The following PTPRS variants were observed in gnomAD, a reference collection of about 807,000 sequenced individuals.
PTPRS encodes protein tyrosine phosphatase receptor type S.
PTPRS carries 63 observed loss-of-function variants against 215.3 expected under a neutral mutation model. The observed-to-expected ratio is 0.29, with a 90% CI of 0.24 to 0.36. The LOEUF (loss-of-function observed/expected upper bound fraction) is 0.36, where lower values mean the gene tolerates loss of function less well. Among genes scored for constraint, PTPRS ranks in the 10% least tolerant of loss-of-function variants. The pLI, the probability that PTPRS is intolerant of heterozygous loss-of-function variation, is 1.00. For missense variants in PTPRS, 2,258 were observed against 2,825.8 expected (o/e 0.80, Z 4.56); for synonymous variants, 1,404 against 1,191.4 (o/e 1.18, Z -3.68).
chr19:5,313,125 C>T (rs1261838464), intron 1 of PTPRS, among the ~76,000 whole-genome samples: 2 of 152,194 alleles, frequency 1.3e-5, no homozygotes, highest in Admixed American at 6.5e-5. Context: ...CCATGTTGGC[C>T]AGGCTGGTCT....
chr19:5,262,429 T>C (rs2046073081), intron 6 of PTPRS, among the ~76,000 whole-genome samples: 1 of 152,142 alleles, frequency 6.6e-6, no homozygotes, highest in Non-Finnish European at 1.5e-5. Flanking sequence ...ACTCTCACTT[T>C]AGTATGAATT....
intron 1 of PTPRS, among the ~76,000 whole-genome samples, chr19:5,323,899 G>A (rs2050099197): frequency 6.6e-6 from 1 of 152,164 alleles, no homozygotes; most frequent in South Asian, 2.1e-4. Flanking sequence ...GTGATGATGG[G>A]AGCTGGACCA....
chr19:5,220,409 G>T, intron 20 of PTPRS, 56 bp from the exon 21 acceptor site: 1 of 1,438,382 alleles, frequency 7.0e-7, no homozygotes, highest in Non-Finnish European at 9.7e-7. Context: ...ACCAAGGGAT[G>T]CTTCATGGGG....
At chr19:5,320,467 T>C (rs1426626179) in intron 1 of PTPRS, among the ~76,000 whole-genome samples, 2 of 152,174 alleles carry the variant, frequency 1.3e-5, no homozygotes. Flanking sequence ...GTTCGCTCTG[T>C]CCCCCAGGCT....
intron 13 of PTPRS, among the ~76,000 whole-genome samples, chr19:5,232,046 C>A (rs1383528209): frequency 1.3e-5 from 2 of 150,954 alleles, no homozygotes; most frequent in African/African-American, 4.9e-5. Context: ...TGTGCCAGCA[C>A]CAAGGGCTTC....
chr19:5,274,860 G>C (rs2047224317), intron 2 of PTPRS, among the ~76,000 whole-genome samples: 1 of 152,102 alleles, frequency 6.6e-6, no homozygotes, highest in African/African-American at 2.4e-5. Flanking sequence ...TGGGGGCGGG[G>C]GGTGACCATG....
chr19:5,243,507 TCTCA>T (rs2044223427), intron 11 of PTPRS, among the ~76,000 whole-genome samples: 1 of 150,856 alleles, frequency 6.6e-6, no homozygotes, highest in Admixed American at 6.6e-5. Flanking sequence ...TGAGGTGGAG[TCTCA>T]CTCTCTCGCC....
chr19:5,258,161 G>C lies in PTPRS; in HGVS notation c.596-34C>G, dbSNP rs1555783870. 3.2e-6 allele frequency: 5 copies of C among 1,569,720 alleles called. No homozygotes were observed. In the South Asian group the frequency reaches 5.5e-5, roughly 17 times the overall value. ...AGATGGGAAAAAGCTTGGTCTGTTAGAGGGGGGCCCAGGAGTGAACAGGGA... is the reference window on the plus strand; with the variant it reads ...AGATGGGAAAAAGCTTGGTCTGTTACAGGGGGGCCCAGGAGTGAACAGGGA... On this transcript the variant is annotated intron_variant, in intron 7 of 37. Coordinates refer to ENST00000262963, the MANE Select transcript of PTPRS (RefSeq NM_002850.4).
At chr19:5,320,784 C>T (rs2050005443) in intron 1 of PTPRS, among the ~76,000 whole-genome samples, 1 of 152,078 alleles carries the variant, frequency 6.6e-6, no homozygotes, top group South Asian at 2.1e-4. Flanking sequence ...GATTTGAGGG[C>T]TTCACCCTAT....
chr19:5,269,968 T>C (rs2046767841), intron 4 of PTPRS, among the ~76,000 whole-genome samples: 1 of 150,338 alleles, frequency 6.7e-6, no homozygotes, highest in African/African-American at 2.4e-5. Context: ...CAGGGGGCAT[T>C]TTTTTCCCAG....
At chr19:5,321,495 G>C (rs558430452) in intron 1 of PTPRS, among the ~76,000 whole-genome samples, 36 of 152,284 alleles carry the variant, frequency 2.4e-4, no homozygotes, top group African/African-American at 8.2e-4. Flanking sequence ...CAGAGCTAAT[G>C]CTAAATTCAC....
intron 1 of PTPRS, among the ~76,000 whole-genome samples, chr19:5,288,520 C>T (rs2048549343): frequency 6.6e-6 from 1 of 152,190 alleles, no homozygotes; most frequent in Non-Finnish European, 1.5e-5. Flanking sequence ...AAGGCGGTGG[C>T]CCCAGATGGA....
At chr19:5,290,156 C>T (rs1038744006) in intron 1 of PTPRS, among the ~76,000 whole-genome samples, 3 of 152,160 alleles carry the variant, frequency 2.0e-5, no homozygotes, top group Non-Finnish European at 4.4e-5. Flanking sequence ...GGTCTCTGCC[C>T]GCCCCACCTG....
Position 5,244,509 on chromosome 19 carries a change from G to C in PTPRS, c.989-27C>G, listed in dbSNP as rs142691000. On this transcript the variant is annotated intron_variant, in intron 10 of 37. Coordinates refer to ENST00000262963, the MANE Select transcript of PTPRS (RefSeq NM_002850.4). The surrounding 1 kb of genome is among the most constrained non-coding windows in gnomAD (Gnocchi z 7.2). The stretch of plus-strand genomic sequence containing the variant: ...TGTGGGCAGGAGGCAGCTGTGTCAC[G>C]CATTGGGCACATTGGTTGAGGACCC... 2.9e-4 allele frequency: 465 copies of C among 1,582,642 alleles called. 2 individuals carry two copies. The African/African-American group carries it at 5.7e-3, about 19-fold the overall frequency.
rs142191642 is a variant in PTPRS at position 5,214,750 on chromosome 19, G to A, written c.4319-14C>T. 1.6e-4 allele frequency: 262 copies of A among 1,591,462 alleles called. No individual in the cohort carries two copies. In the African/African-American group the frequency reaches 2.8e-3, roughly 17 times the overall value. On this transcript the variant is annotated splice_polypyrimidine_tract_variant and intron_variant, in intron 28 of 37. Transcript: ENST00000262963. Reference sequence around the variant, plus strand: ...TGCCCATGATGCCTGCAGCCAGGGCGAGAGGCCAGGGATCTGTGGGGGCTG... The same window carrying A: ...TGCCCATGATGCCTGCAGCCAGGGCAAGAGGCCAGGGATCTGTGGGGGCTG...
chr19:5,223,026 G>A lies in PTPRS; in HGVS notation c.2766C>T (p.Ser922=), dbSNP rs1279101990. The change falls in exon 18 of 38, where the codon AGC becomes AGT. Residue 922 remains serine, a synonymous_variant. Coordinates refer to ENST00000262963, the MANE Select transcript of PTPRS (RefSeq NM_002850.4). The stretch of plus-strand genomic sequence containing the variant: ...GGCCACGGGGCGTGTCCTCCGGGAT[G>A]CTCAGGACCTCGGCTGCCTCCTCGC... The part of the protein sequence containing the change: ...GLGEEAAEVL[S]IPEDTPRGHP... 4 of 1,546,084 alleles carry A rather than the reference G, an allele frequency of 2.6e-6. No individual in the cohort carries two copies. Among genetic ancestry groups the A allele is most frequent in the East Asian group, 2.4e-5 (1 of 41,148 alleles).
At chr19:5,235,613 T>A (rs980960357) in intron 13 of PTPRS, among the ~76,000 whole-genome samples, 1 of 152,220 alleles carries the variant, frequency 6.6e-6, no homozygotes, top group African/African-American at 2.4e-5. Context: ...ACAATAATTG[T>A]TGCCACCCAT....
At chr19:5,230,566 C>T (rs1347224987) in intron 14 of PTPRS, among the ~76,000 whole-genome samples, 3 of 152,198 alleles carry the variant, frequency 2.0e-5, no homozygotes, top group African/African-American at 7.2e-5. Flanking sequence ...CCAGCAATCC[C>T]CGCACCTCAG....
In PTPRS at chr19:5,212,151, G is replaced by A; in HGVS notation, c.4869C>T (p.Leu1623=). Residue 1623 remains leucine, a synonymous_variant, in exon 32 of 38, where the codon CTC becomes CTT. Transcript: ENST00000262963. ...CCATGTAGTTGCGCTGGGACCTCAT[G>A]AGCGTCACGTGGCCATAGACATCGA... The part of the protein sequence containing the change: ...KTVDVYGHVT[L]MRSQRNYMVQ... 1 of 1,614,094 alleles carries A rather than the reference G, an allele frequency of 6.2e-7. No individual in the cohort carries two copies. Among genetic ancestry groups the A allele is most frequent in the Non-Finnish European group, 8.5e-7 (1 of 1,180,040 alleles).
Sources: gnomAD v4.1 joint callset for allele counts (sites outside exome capture counted in the v4.1 genomes callset) on GRCh38, gnomAD v4.1.1 for gene constraint, Gnocchi (gnomAD v3.1) non-coding constraint, MANE v1.5 for transcripts, NCBI Gene and HGNC (gene_info 2026-07-23, HGNC 2026-07-21) for gene names.